The following CLVS1 variants were observed in gnomAD, a reference collection of about 807,000 sequenced individuals.
The protein encoded by CLVS1 is clavesin-1.
In CLVS1, 10 loss-of-function variants were observed where a neutral mutation model predicts 33.1. That is an observed-to-expected ratio of 0.30 (90% CI 0.19 to 0.51). The LOEUF (loss-of-function observed/expected upper bound fraction) is 0.51. CLVS1 is among the 20% of genes least tolerant of loss of function. The pLI is 0.97. For synonymous variants in CLVS1, 163 were observed against 166.1 expected (o/e 0.98, Z 0.14); for missense variants, 343 against 433.4 (o/e 0.79, Z 1.85).
intron 2 of CLVS1, among the ~76,000 whole-genome samples, chr8:61,185,308 A>T (rs1585671510): frequency 7.2e-6 from 1 of 138,730 alleles, no homozygotes; most frequent in African/African-American, 2.7e-5. Context: ...TGCCCGGCTA[A>T]TTTTTTTTTT....
At chr8:61,320,433 A>T (rs1811155169) in intron 2 of CLVS1, among the ~76,000 whole-genome samples, 1 of 152,178 alleles carries the variant, frequency 6.6e-6, no homozygotes, top group African/African-American at 2.4e-5. Flanking sequence ...GTTAACTTAG[A>T]TTTTTCAAAG....
At chr8:61,348,514 T>C (rs990823725) in intron 2 of CLVS1, among the ~76,000 whole-genome samples, 9 of 152,204 alleles carry the variant, frequency 5.9e-5, no homozygotes, top group African/African-American at 2.2e-4. Flanking sequence ...TATCATAACG[T>C]CCTTCAGGTT....
the CLVS1 span, among the ~76,000 whole-genome samples, chr8:60,969,954 C>T: frequency 6.6e-6 from 1 of 152,108 alleles, no homozygotes; most frequent in East Asian, 1.9e-4. Context: ...ATATAAGGGG[C>T]TTGAGCTTTC....
intron 2 of CLVS1, among the ~76,000 whole-genome samples, chr8:61,139,816 C>T (rs752028818): frequency 1.3e-5 from 2 of 152,090 alleles, no homozygotes; most frequent in Non-Finnish European, 2.9e-5. Context: ...TCTGCGGCCC[C>T]GCCATTCTCC....
chr8:61,055,265 C>A (rs750848600), upstream of CLVS1, among the ~76,000 whole-genome samples: 1 of 152,090 alleles, frequency 6.6e-6, no homozygotes, highest in Non-Finnish European at 1.5e-5. Flanking sequence ...AGAGAAAAAC[C>A]GTCTTAAACA....
chr8:61,074,489 GTA>G (rs933944492), intron 1 of CLVS1, among the ~76,000 whole-genome samples: 8 of 146,494 alleles, frequency 5.5e-5, no homozygotes, highest in Non-Finnish European at 9.0e-5. Flanking sequence ...AAGTATATGT[GTA>G]TATATATATG....
intron 2 of CLVS1, among the ~76,000 whole-genome samples, chr8:61,346,648 C>A (rs1158553680): frequency 2.6e-5 from 4 of 152,108 alleles, no homozygotes; most frequent in Non-Finnish European, 5.9e-5. Context: ...CTAGTTTTGA[C>A]TTTTTTCCCC....
At chr8:61,070,285 C>T (rs1223683870) in intron 1 of CLVS1, among the ~76,000 whole-genome samples, 1 of 152,208 alleles carries the variant, frequency 6.6e-6, no homozygotes, top group Non-Finnish European at 1.5e-5. Context: ...CTTATTTTAG[C>T]TTTATCCTCA....
chr8:61,316,483 G>A (rs1811014690), intron 2 of CLVS1, among the ~76,000 whole-genome samples: 1 of 152,158 alleles, frequency 6.6e-6, no homozygotes, highest in Non-Finnish European at 1.5e-5. Context: ...GCATACTGGG[G>A]AGGCAAATAT....
chr8:61,182,481 A>C (rs572557932), intron 2 of CLVS1, among the ~76,000 whole-genome samples: 5 of 152,356 alleles, frequency 3.3e-5, no homozygotes, highest in African/African-American at 1.2e-4. Flanking sequence ...AAACAAATTT[A>C]TGAGAAAAAA....
At chr8:61,136,620 G>A (rs2129292171) in intron 2 of CLVS1, among the ~76,000 whole-genome samples, 1 of 152,230 alleles carries the variant, frequency 6.6e-6, no homozygotes, top group East Asian at 1.9e-4. Context: ...ACTTACATGT[G>A]GGTGCTAAAT....
chr8:61,105,546 G>T (rs1338773610), intron 1 of CLVS1, among the ~76,000 whole-genome samples: 1 of 152,138 alleles, frequency 6.6e-6, no homozygotes, highest in Non-Finnish European at 1.5e-5. Flanking sequence ...GTGGAGAATG[G>T]GGCCAAGGGC....
chr8:61,349,592 T>G lies in CLVS1; in HGVS notation c.456-27013T>G, dbSNP rs200911361. 7.9e-5 allele frequency among the ~76,000 whole-genome samples: 12 copies of G among 152,212 alleles called. No homozygotes were observed. The East Asian group carries it at 1.4e-3, about 17-fold the overall frequency. On this transcript the variant is annotated intron_variant, in intron 2 of 5. Transcript: ENST00000325897. The stretch of plus-strand genomic sequence containing the variant: ...AGGAAGGTTTTTTTGTTTTTGTTTT[T>G]TAGGTTTTATTTTTTCATTTTTCTG...
intron 2 of CLVS1, among the ~76,000 whole-genome samples, chr8:61,349,008 A>C (rs1251228125): frequency 6.6e-6 from 1 of 152,094 alleles, no homozygotes; most frequent in East Asian, 1.9e-4. Context: ...TCTGTCGGCC[A>C]TTTGTATGTC....
intron 1 of CLVS1, among the ~76,000 whole-genome samples, chr8:61,075,388 A>G (rs559939175): frequency 2.0e-5 from 3 of 152,378 alleles, no homozygotes; most frequent in African/African-American, 7.2e-5. Context: ...ATAAAAAACC[A>G]TAAGCACCCT....
At chr8:60,974,266 G>A in the CLVS1 span, among the ~76,000 whole-genome samples, 2 of 152,234 alleles carry the variant, frequency 1.3e-5, no homozygotes, top group South Asian at 2.1e-4. Context: ...AGTCCCTCCC[G>A]GAGGCCAGCA....
At position 61,164,613 on chromosome 8, in the gene CLVS1, T is replaced by C. The variant is rs528485677; in HGVS notation, c.-152+32753T>C. Among the ~76,000 whole-genome samples the C allele has an allele frequency of 3.9e-5, 6 of 152,268 alleles. No individual in the cohort carries two copies. The East Asian group carries it at 1.2e-3, about 29-fold the overall frequency. On this transcript the variant is annotated intron_variant, in intron 2 of 2. Transcript: ENST00000522621. ...GCAAGTCCCCCCCGCCCAGGCTACATGAATGACATGCCTGGTCAAACCAAT... is the reference window on the plus strand; with the variant it reads ...GCAAGTCCCCCCCGCCCAGGCTACACGAATGACATGCCTGGTCAAACCAAT...
chr8:61,193,250 C>A (rs1263263991), intron 2 of CLVS1, among the ~76,000 whole-genome samples: 3 of 152,156 alleles, frequency 2.0e-5, no homozygotes, highest in Middle Eastern at 3.2e-3. Context: ...AACCATCATT[C>A]TCAGCAAACT....
chr8:61,376,239 C>A (rs1813635638), intron 2 of CLVS1, among the ~76,000 whole-genome samples: 1 of 152,172 alleles, frequency 6.6e-6, no homozygotes. Flanking sequence ...GATTATGGCG[C>A]AATCCCTACC....
Sources: gnomAD v4.1 joint callset for allele counts (sites outside exome capture counted in the v4.1 genomes callset) on GRCh38, gnomAD v4.1.1 for gene constraint, MANE v1.5 for transcripts, NCBI Gene and HGNC (gene_info 2026-07-23, HGNC 2026-07-21) for gene names.